The following IZUMO4 variants were observed in gnomAD, a reference collection of about 807,000 sequenced individuals.
IZUMO4 encodes the protein izumo sperm-egg fusion protein 4.
A neutral mutation model predicts 37.1 loss-of-function variants in IZUMO4; 51 were observed. The ratio of observed to expected loss-of-function variants is 1.38; its 90% CI spans 1.10 to 1.74. The LOEUF is 1.74. IZUMO4 is among the 40% of genes most tolerant of loss of function. IZUMO4 has a pLI of 0.00. For missense variants in IZUMO4, 364 were observed against 299.6 expected (o/e 1.21, Z -1.59); for synonymous variants, 162 against 121.4 (o/e 1.33, Z -2.20).
Position 2,098,770 on chromosome 19 carries a change from C to T in IZUMO4, c.537-17C>T, listed in dbSNP as rs1568264089. 5.6e-6 allele frequency: 9 copies of T among 1,604,306 alleles called. No individual in the cohort carries two copies. Among genetic ancestry groups the T allele is most frequent in the African/African-American group, 2.7e-5 (2 of 74,332 alleles). ...GGTGCCCCATGGAGGGGCTGACTGC[C>T]CCACATTGCCTTTCAGACAGGACAC... is the stretch of plus-strand genomic sequence containing the variant. On this transcript the variant is annotated splice_polypyrimidine_tract_variant and intron_variant, in intron 7 of 9. Transcript: ENST00000395301.
Position 2,099,290 on chromosome 19 carries a change from C to A in IZUMO4, c.644C>A (p.Pro215Gln). The A allele has an allele frequency of 6.2e-7, 1 of 1,613,580 alleles. No homozygotes were observed. Among genetic ancestry groups the A allele is most frequent in the Non-Finnish European group, 8.5e-7 (1 of 1,179,958 alleles). The change falls in exon 10 of 10, where the codon CCA becomes CAA. Residue 215 changes from proline (P) to glutamine (Q), a missense_variant. Pro to Gln is a moderately conservative substitution (Grantham distance 76). Coordinates refer to ENST00000395301, the MANE Select transcript of IZUMO4 (RefSeq NM_001039846.2). ...VSPALRCLEP[P>Q]HLANLTLEDA... ...CCAGCCTTAAGGTGTCTGGAGCCCC[C>A]ACACTTGGCCAACCTGACCTTGGAA...
chr19:2,098,891 A>G, intron 8 of IZUMO4, 85 bp from the exon 9 acceptor site: 1 of 1,564,676 alleles, frequency 6.4e-7, no homozygotes, highest in South Asian at 1.1e-5. Context: ...CAGTGGGGGC[A>G]CTGCAGGTGG....
intron 7 of IZUMO4, 31 bp from the exon 8 acceptor site, chr19:2,098,756 G>GTT (rs1170666225): frequency 6.2e-7 from 1 of 1,605,422 alleles, no homozygotes. Flanking sequence ...GTGCCCCATG[G>GTT]AGGGGCTGAC....
In IZUMO4 at chr19:2,099,554, C is replaced by T. The variant is rs1376946520; in HGVS notation, c.*209C>T. 1.4e-5 allele frequency: 8 copies of T among 581,492 alleles called. No homozygotes were observed. Among genetic ancestry groups the T allele is most frequent in the East Asian group, 5.6e-5 (2 of 35,536 alleles). 36.0% of individuals were successfully genotyped at this position (581,492 alleles called of 1,614,324 possible). A position where few individuals can be genotyped will look rare whatever the true frequency, so the allele number is the denominator to read the frequency against. Reference sequence around the variant, plus strand: ...GCGCCTGGGCAGGTCCGCAGAGCTGCGGGATGTGATTAAAGTCCCTGATGT... The same window carrying T: ...GCGCCTGGGCAGGTCCGCAGAGCTGTGGGATGTGATTAAAGTCCCTGATGT... On this transcript the variant is annotated 3_prime_UTR_variant, in exon 10 of 10. Coordinates refer to ENST00000395301, the MANE Select transcript of IZUMO4 (RefSeq NM_001039846.2).
In IZUMO4 at chr19:2,099,288, C is replaced by T. The variant is rs777642891; in HGVS notation, c.642C>T (p.Pro214=). ...CGCCAGCCTTAAGGTGTCTGGAGCC[C>T]CCACACTTGGCCAACCTGACCTTGG... ...LVSPALRCLE[P]PHLANLTLED... is the part of the protein sequence containing the mutation. Residue 214 remains proline, a synonymous_variant, in exon 10 of 10, where the codon CCC becomes CCT. Coordinates refer to ENST00000395301, the MANE Select transcript of IZUMO4 (RefSeq NM_001039846.2). 3.0e-5 allele frequency: 48 copies of T among 1,612,892 alleles called. No homozygotes were observed. Among genetic ancestry groups the T allele is most frequent in the South Asian group, 7.7e-5 (7 of 91,082 alleles).
intron 7 of IZUMO4, 69 bp from the exon 8 acceptor site, chr19:2,098,718 C>T (rs1252568134): frequency 5.6e-6 from 9 of 1,597,160 alleles, no homozygotes; most frequent in Non-Finnish European, 1.7e-6. Flanking sequence ...TGGTCAGAGC[C>T]TGGGAGGGTT....
chr19:2,097,341 C>G lies in IZUMO4; in HGVS notation c.298+9C>G, dbSNP rs781489759. On this transcript the variant is annotated intron_variant, in intron 2 of 9. Transcript: ENST00000395301. ...GAAGATGTACTTCCCCGGTAAGGGG[C>G]GCGAAACCGAGGCGGGGCCCCCCCA... 3.2e-5 allele frequency: 52 copies of G among 1,612,136 alleles called. No individual in the cohort carries two copies. The highest frequency in any genetic ancestry group is 4.4e-5 in the Non-Finnish European group (52 of 1,179,506).
chr19:2,097,721 C>G (rs757534931), intron 3 of IZUMO4: 2 of 699,474 alleles, frequency 2.9e-6, no homozygotes, highest in South Asian at 1.8e-5. Flanking sequence ...GTGTTGCCAC[C>G]GCCCTCCCCT....
At chr19:2,098,915 C>A (rs1302380734) in intron 8 of IZUMO4, 61 bp from the exon 9 acceptor site, 7 of 1,591,688 alleles carry the variant, frequency 4.4e-6, no homozygotes, top group African/African-American at 1.3e-5. Flanking sequence ...TCTCCCTATA[C>A]CTGGGACACC....
chr19:2,098,994 C>T lies in IZUMO4; in HGVS notation c.573C>T (p.Phe191=). Residue 191 remains phenylalanine (F), a synonymous_variant, in exon 9 of 10, where the codon TTC becomes TTT. Transcript: ENST00000395301. ...TGAACAGACCACGCTCCTCTGCCTTCTCCTGGCCTGGGACACACAGAGCCA... is the reference window on the plus strand; with the variant it reads ...TGAACAGACCACGCTCCTCTGCCTTTTCCTGGCCTGGGACACACAGAGCCA... ...DTSMRPRSSA[F]SWPGTHRATP... The T allele has an allele frequency of 1.9e-6, 3 of 1,613,210 alleles. No homozygotes were observed. The highest frequency in any genetic ancestry group is 2.5e-6 in the Non-Finnish European group (3 of 1,179,980).
chr19:2,098,162 G>C (rs1258618374), intron 5 of IZUMO4, 35 bp downstream of exon 5: 2 of 1,612,444 alleles, frequency 1.2e-6, no homozygotes, highest in South Asian at 2.2e-5. Context: ...CCGTGCCAGG[G>C]CCCTACTGTC....
chr19:2,097,245 C>A lies in IZUMO4; in HGVS notation c.218-7C>A. The A allele has an allele frequency of 6.2e-7, 1 of 1,611,492 alleles. No homozygotes were observed. The highest frequency in any genetic ancestry group is 8.5e-7 in the Non-Finnish European group (1 of 1,179,086). ...GCCGGTCACCTGGCTTCTCCTCCTG[C>A]CCGCAGCCCGGGAGAAGCTGGACCA... On this transcript the variant is annotated splice_polypyrimidine_tract_variant and splice_region_variant and intron_variant, in intron 1 of 9. Coordinates refer to ENST00000395301, the MANE Select transcript of IZUMO4 (RefSeq NM_001039846.2).
chr19:2,098,743 G>A (rs1209236739), intron 7 of IZUMO4, 44 bp from the exon 8 acceptor site: 3 of 1,605,038 alleles, frequency 1.9e-6, no homozygotes, highest in Non-Finnish European at 2.5e-6. Context: ...ACGATGGTTA[G>A]GGGTGCCCCA....
At chr19:2,098,721 G>A in intron 7 of IZUMO4, 66 bp from the exon 8 acceptor site, 1 of 1,598,330 alleles carries the variant, frequency 6.3e-7, no homozygotes, top group Non-Finnish European at 8.5e-7. Context: ...TCAGAGCCTG[G>A]GAGGGTTCCC....
intron 3 of IZUMO4, 95 bp downstream of exon 3, chr19:2,097,590 C>G (rs1254399003): frequency 2.7e-6 from 3 of 1,120,664 alleles, no homozygotes; most frequent in African/African-American, 1.5e-5. Flanking sequence ...AACAGGGCAC[C>G]TGGCACCAGG....
chr19:2,098,424 C>T lies in IZUMO4; in HGVS notation c.522-12C>T, dbSNP rs1255661041. On this transcript the variant is annotated splice_polypyrimidine_tract_variant and intron_variant, in intron 6 of 9. Transcript: ENST00000395301. ...ACTCGGCCTCCTGAGTCCAAACCCA[C>T]TGTCTTTGTAGAAATAACTGGCACA... 3 of 1,613,946 alleles carry T rather than the reference C, an allele frequency of 1.9e-6. No individual in the cohort carries two copies. The highest frequency in any genetic ancestry group is 3.3e-5 in the Admixed American group (2 of 60,034).
chr19:2,099,391 C>G lies in IZUMO4; in HGVS notation c.*46C>G. 1.5e-6 allele frequency: 2 copies of G among 1,348,628 alleles called. No individual in the cohort carries two copies. Among genetic ancestry groups the G allele is most frequent in the Non-Finnish European group, 2.1e-6 (2 of 961,168 alleles). The allele number at this position is 1,348,628 out of a possible 1,614,324, so 83.5% of individuals were successfully genotyped here. A position where few individuals can be genotyped will look rare whatever the true frequency, so the allele number is the denominator to read the frequency against. On this transcript the variant is annotated 3_prime_UTR_variant, in exon 10 of 10. Coordinates refer to ENST00000395301, the MANE Select transcript of IZUMO4 (RefSeq NM_001039846.2). Reference sequence around the variant, plus strand: ...GGGCAACGTGGGGGCGGAGACTCAGCTGGACAGCCCCTGCCTGTCACTCTG... The same window carrying G: ...GGGCAACGTGGGGGCGGAGACTCAGGTGGACAGCCCCTGCCTGTCACTCTG...
Position 2,099,343 on chromosome 19 carries a change from T to A in IZUMO4, c.697T>A (p.Ter233ArgextTer74). 6.2e-7 allele frequency: 1 copy of A among 1,610,208 alleles called. No individual in the cohort carries two copies. Among genetic ancestry groups the A allele is most frequent in the Non-Finnish European group, 8.5e-7 (1 of 1,177,906 alleles). ...TGCTGCTGAGTGTCTCAAGCAGCAC[T>A]GACAGCAGCTGGGCCTGCCCCAGGG... ...EDAAECLKQH[*>R] Residue 233 changes from the stop codon to arginine (R), a stop_lost, in exon 10 of 10, where the codon TGA becomes AGA. Coordinates refer to ENST00000395301, the MANE Select transcript of IZUMO4 (RefSeq NM_001039846.2).
In IZUMO4 at chr19:2,099,044, G is replaced by A. The variant is rs1454280282; in HGVS notation, c.608+15G>A. 1 of 1,612,066 alleles carries A rather than the reference G, an allele frequency of 6.2e-7. No homozygotes were observed. Among genetic ancestry groups the A allele is most frequent in the African/African-American group, 1.3e-5 (1 of 75,016 alleles). On this transcript the variant is annotated intron_variant, in intron 9 of 9. Coordinates refer to ENST00000395301, the MANE Select transcript of IZUMO4 (RefSeq NM_001039846.2). ...ACCCCGGCCTTGTGAGTGACCCAGA[G>A]AAGGGAGGCCTCGGGAGAAGGGGTG...
Sources: gnomAD v4.1 joint callset for allele counts on GRCh38, gnomAD v4.1.1 for gene constraint, MANE v1.5 for transcripts, NCBI Gene and HGNC (gene_info 2026-07-23, HGNC 2026-07-21) for gene names.